PCSK2: variants seen among roughly 807,000 people sequenced by gnomAD.
PCSK2 encodes the protein neuroendocrine convertase 2.
Under a neutral mutation model 69.7 loss-of-function variants are expected in PCSK2, and 14 were observed. The ratio of observed to expected loss-of-function variants is 0.20; its 90% CI spans 0.13 to 0.31. The LOEUF (loss-of-function observed/expected upper bound fraction) is 0.31. PCSK2 is among the 10% of genes least tolerant of loss of function. The probability of loss-of-function intolerance (pLI) is 1.00; values close to 1 mark genes in which losing one functional copy is unlikely to be tolerated. For missense variants in PCSK2, 544 were observed against 842.5 expected (o/e 0.65, Z 4.39); for synonymous variants, 307 against 320.7 (o/e 0.96, Z 0.46).
chr20:17,335,857 GGT>G (rs3138653), intron 2 of PCSK2, among the ~76,000 whole-genome samples: 19,242 of 142,632 alleles, frequency 0.13, 1,702 homozygotes, highest in East Asian at 0.46. Context: ...AGTAGTCCAT[GGT>G]GTGTGTGTGT....
At chr20:17,361,358 C>G (rs144040572) in intron 4 of PCSK2, among the ~76,000 whole-genome samples, 4 of 152,184 alleles carry the variant, frequency 2.6e-5, no homozygotes, top group Non-Finnish European at 4.4e-5. Context: ...GCTTCATTTT[C>G]TATAGTTTGT....
At chr20:17,331,747 T>C (rs1338575128) in intron 2 of PCSK2, among the ~76,000 whole-genome samples, 1 of 150,500 alleles carries the variant, frequency 6.6e-6, no homozygotes, top group African/African-American at 2.4e-5. Flanking sequence ...AGTATTTTTA[T>C]GCCCATCATC....
intron 5 of PCSK2, among the ~76,000 whole-genome samples, chr20:17,393,880 T>A (rs1352669539): frequency 2.6e-5 from 4 of 152,196 alleles, no homozygotes; most frequent in African/African-American, 9.7e-5. Flanking sequence ...GCTTGAAATA[T>A]CAACATTTAA....
chr20:17,234,337 G>A (rs892910308), intron 1 of PCSK2, among the ~76,000 whole-genome samples: 3 of 152,160 alleles, frequency 2.0e-5, no homozygotes, highest in African/African-American at 7.2e-5. Context: ...CTCATAATAG[G>A]TGTTTAATAT....
chr20:17,395,970 A>C (rs546055016), intron 5 of PCSK2, among the ~76,000 whole-genome samples: 32 of 152,314 alleles, frequency 2.1e-4, no homozygotes, highest in African/African-American at 7.0e-4. Context: ...CTCTCAGGAC[A>C]TCTGGACTCA....
intron 1 of PCSK2, among the ~76,000 whole-genome samples, chr20:17,250,408 G>A (rs1246812301): frequency 6.6e-6 from 1 of 152,086 alleles, no homozygotes; most frequent in African/African-American, 2.4e-5. Context: ...TGAACAATGT[G>A]CCCTTCTTAG....
chr20:17,267,752 T>C lies in PCSK2; in HGVS notation c.282+7408T>C, dbSNP rs1044386118. Among the ~76,000 whole-genome samples the C allele has an allele frequency of 3.0e-4, 45 of 152,268 alleles. 1 individual carries two copies. In the East Asian group the frequency reaches 8.5e-3, roughly 29 times the overall value. On this transcript the variant is annotated intron_variant, in intron 2 of 11. Transcript: ENST00000262545. ...AGTGGGAACTCTCTGGGAGGCATCA[T>C]GCTAGCAAAGCCAGAGATCTCTTGG... is the stretch of plus-strand genomic sequence containing the variant.
Position 17,227,234 on chromosome 20 carries a change from C to T in PCSK2, c.-72C>T. On this transcript the variant is annotated 5_prime_UTR_variant, in exon 1 of 12. Coordinates refer to ENST00000262545, the MANE Select transcript of PCSK2 (RefSeq NM_002594.5). ...ACTATATATAAGAATTCTTTATTTG[C>T]ACCCTCCCTCCGAGTCCCCTGCTCC... 9.8e-7 allele frequency: 1 copy of T among 1,020,464 alleles called. No individual in the cohort carries two copies. The highest frequency in any genetic ancestry group is 1.5e-6 in the Non-Finnish European group (1 of 661,628). 63.2% of individuals were successfully genotyped at this position (1,020,464 alleles called of 1,614,324 possible).
chr20:17,408,375 AC>A (rs2031797453), intron 5 of PCSK2, among the ~76,000 whole-genome samples: 1 of 152,130 alleles, frequency 6.6e-6, no homozygotes, highest in Admixed American at 6.5e-5. Flanking sequence ...AGGCAAACCA[AC>A]TAAAGACCTA....
intron 5 of PCSK2, among the ~76,000 whole-genome samples, chr20:17,373,082 G>A (rs1162437627): frequency 6.6e-6 from 1 of 152,122 alleles, no homozygotes; most frequent in Non-Finnish European, 1.5e-5. Flanking sequence ...TGAGAGAGAG[G>A]TACTTGGTGG....
chr20:17,263,232 T>C (rs1194459980), intron 2 of PCSK2: 8 of 557,618 alleles, frequency 1.4e-5, no homozygotes, highest in Non-Finnish European at 1.8e-5. Flanking sequence ...CTAATTTTTA[T>C]GCTAAAAGGA....
At chr20:17,349,454 T>C (rs1006835893) in intron 2 of PCSK2, among the ~76,000 whole-genome samples, 4 of 152,188 alleles carry the variant, frequency 2.6e-5, no homozygotes, top group Non-Finnish European at 5.9e-5. Context: ...AAGAACTTAC[T>C]CTGTCACTAT....
chr20:17,259,885 A>C (rs1987312045), intron 1 of PCSK2, among the ~76,000 whole-genome samples: 1 of 152,268 alleles, frequency 6.6e-6, no homozygotes, highest in East Asian at 1.9e-4. Flanking sequence ...TGGGGTATGC[A>C]CACTAGACCA....
chr20:17,388,631 C>T (rs935631655), intron 5 of PCSK2, among the ~76,000 whole-genome samples: 1 of 152,046 alleles, frequency 6.6e-6, no homozygotes, highest in African/African-American at 2.4e-5. Context: ...AGTTCAGGCA[C>T]TAGGGTCCTG....
chr20:17,287,300 C>G (rs1988546008), intron 2 of PCSK2, among the ~76,000 whole-genome samples: 1 of 152,144 alleles, frequency 6.6e-6, no homozygotes, highest in Non-Finnish European at 1.5e-5. Flanking sequence ...TCGAAGGCTA[C>G]TGGCGGGGAC....
intron 5 of PCSK2, 68 bp from the exon 6 acceptor site, chr20:17,409,195 C>A: frequency 1.7e-6 from 2 of 1,199,992 alleles, no homozygotes; most frequent in Non-Finnish European, 2.5e-6. Context: ...TGTTTAAAGT[C>A]TCCCAGCGCT....
chr20:17,423,644 CA>C (rs11361591), intron 6 of PCSK2, among the ~76,000 whole-genome samples: 102,104 of 149,638 alleles, frequency 0.68, 34,627 homozygotes, highest in Middle Eastern at 0.76. Flanking sequence ...CACTTTTGTA[CA>C]AAAAAAAAAG....
intron 2 of PCSK2, among the ~76,000 whole-genome samples, chr20:17,347,908 GA>G (rs1990717389): frequency 7.3e-5 from 2 of 27,464 alleles, no homozygotes; most frequent in African/African-American, 2.3e-4. Flanking sequence ...AAGAAAGAAA[GA>G]AAGAAAGAAA....
chr20:17,359,830 A>G (rs2030329514), intron 3 of PCSK2, among the ~76,000 whole-genome samples: 1 of 152,182 alleles, frequency 6.6e-6, no homozygotes, highest in Non-Finnish European at 1.5e-5. Context: ...GAGAAAACCT[A>G]CACAGTACAA....
Sources: gnomAD v4.1 joint callset for allele counts (sites outside exome capture counted in the v4.1 genomes callset) on GRCh38, gnomAD v4.1.1 for gene constraint, MANE v1.5 for transcripts, NCBI Gene and HGNC (gene_info 2026-07-23, HGNC 2026-07-21) for gene names.